LAMA1: variants seen among roughly 807,000 people sequenced by gnomAD.
LAMA1 encodes the protein laminin subunit alpha 1.
LAMA1 carries 219 observed loss-of-function variants against 348.7 expected under a neutral mutation model. That is an observed-to-expected ratio of 0.63 (90% CI 0.56 to 0.70). The LOEUF is 0.70. Ranked by LOEUF, LAMA1 falls within the 30% of genes least tolerant of loss-of-function variation. The pLI is 0.00. For missense variants in LAMA1, 3,744 were observed against 3,888.0 expected, an observed-to-expected ratio of 0.96 and a Z score of 0.99; for synonymous variants, 1,487 against 1,491.0, an observed-to-expected ratio of 1.00 and a Z score of 0.06.
At chr18:6,976,777 T>C (rs1414916904) in intron 44 of LAMA1, among the ~76,000 whole-genome samples, 1 of 151,902 alleles carries the variant, frequency 6.6e-6, no homozygotes, top group African/African-American at 2.4e-5. Flanking sequence ...TGGTTATTAT[T>C]ATTATTTTTT....
intron 3 of LAMA1, among the ~76,000 whole-genome samples, chr18:7,061,604 T>C (rs535459973): frequency 6.6e-6 from 1 of 152,326 alleles, no homozygotes; most frequent in Admixed American, 6.5e-5. Context: ...TTCTCCAAAA[T>C]GCAGTTCCCC....
At chr18:7,093,226 C>G (rs990826385) in intron 1 of LAMA1, among the ~76,000 whole-genome samples, 1 of 152,152 alleles carries the variant, frequency 6.6e-6, no homozygotes, top group Non-Finnish European at 1.5e-5. Context: ...ACCATCCTGG[C>G]TAACACGGTG....
chr18:7,010,626 A>G (rs1385240328), intron 25 of LAMA1, among the ~76,000 whole-genome samples: 1 of 152,236 alleles, frequency 6.6e-6, no homozygotes, highest in African/African-American at 2.4e-5. Flanking sequence ...ATAACAAATC[A>G]ATGTGGTAGT....
rs73390557 is a variant in LAMA1, at chr18:6,966,297, G to A, written c.6900C>T (p.Ser2300=). ...REGKCRGCFG[S]SQNEDPSFHF... ...GGAAGGAAGGGTCTTCATTCTGGGA[G>A]CTGCAAAGCAGAAGAGATGAAATAG... Residue 2300 remains serine, a splice_region_variant and synonymous_variant, in exon 49 of 63, where the codon AGC becomes AGT. Coordinates refer to ENST00000389658, the MANE Select transcript of LAMA1 (RefSeq NM_005559.4). 13,642 of 1,613,146 alleles carry A rather than the reference G, an allele frequency of 8.5e-3. 993 individuals carry two copies. The African/African-American group carries it at 0.16, about 19-fold the overall frequency.
At chr18:7,061,515 A>G (rs1466979210) in intron 3 of LAMA1, among the ~76,000 whole-genome samples, 4 of 152,290 alleles carry the variant, frequency 2.6e-5, no homozygotes, top group Middle Eastern at 3.4e-3. Flanking sequence ...TCTATTCCCC[A>G]ACTCCTAACG....
rs1405153983 is a variant in LAMA1, at chr18:6,971,747, C to T, written c.6899+110G>A. On this transcript the variant is annotated intron_variant, in intron 48 of 62. Transcript: ENST00000389658. The stretch of plus-strand genomic sequence containing the variant: ...TAATTGGCAGCTAAACACCTACCAG[C>T]GATATCACAAACTCTATTCCTTGAC... 21 of 1,458,842 alleles carry T rather than the reference C, an allele frequency of 1.4e-5. No homozygotes were observed. The South Asian group carries it at 2.0e-4, about 14-fold the overall frequency. The allele number at this position is 1,458,842 out of a possible 1,614,324, so 90.4% of individuals were successfully genotyped here.
intron 61 of LAMA1, among the ~76,000 whole-genome samples, chr18:6,946,601 C>T (rs1180816663): frequency 6.6e-6 from 1 of 152,046 alleles, no homozygotes; most frequent in Admixed American, 6.6e-5. Flanking sequence ...CGCCTGTAAT[C>T]CCAGCTACTC....
intron 10 of LAMA1, 44 bp downstream of exon 10, chr18:7,040,032 A>C: frequency 6.2e-7 from 1 of 1,608,638 alleles, no homozygotes; most frequent in Non-Finnish European, 8.5e-7. Flanking sequence ...TTTTCCAGAG[A>C]AGCTCAAAGG....
At chr18:7,109,309 C>T (rs554405390) in intron 1 of LAMA1, among the ~76,000 whole-genome samples, 7 of 152,162 alleles carry the variant, frequency 4.6e-5, no homozygotes, top group Non-Finnish European at 8.8e-5. Flanking sequence ...ATGCTAGAAC[C>T]CCCCTGGGGT....
intron 16 of LAMA1, among the ~76,000 whole-genome samples, chr18:7,030,224 G>A (rs1194000425): frequency 2.6e-5 from 4 of 152,112 alleles, no homozygotes; most frequent in African/African-American, 9.7e-5. Context: ...GAGAGGGCAC[G>A]GCACCTCCAC....
rs137905025 is a variant in LAMA1 at position 7,011,361 on chromosome 18, C to A, written c.3626G>T (p.Arg1209Leu). The A allele has an allele frequency of 1.4e-5, 22 of 1,611,730 alleles. No homozygotes were observed. The African/African-American group carries it at 2.5e-4, about 19-fold the overall frequency. Reference protein sequence around the residue: ...PDFLLDAATVRQHIRAEPFYW... With the variant: ...PDFLLDAATVLQHIRAEPFYW... ...AAACGGCTCTGCACGGATGTGCTGC[C>A]GGACGGTGGCGGCATCCAGCAGGAA... The change falls in exon 25 of 63, where the codon CGG (arginine) becomes CTG (leucine). Residue 1209 changes from arginine to leucine, a missense_variant. Coordinates refer to ENST00000389658, the MANE Select transcript of LAMA1 (RefSeq NM_005559.4).
intron 34 of LAMA1, among the ~76,000 whole-genome samples, chr18:6,994,303 G>A (rs942564056): frequency 6.6e-6 from 1 of 152,208 alleles, no homozygotes; most frequent in Non-Finnish European, 1.5e-5. Context: ...CAGGAAGTCA[G>A]CAGCCCAGAG....
In LAMA1 at chr18:6,974,981, A is replaced by G; in HGVS notation, c.6545T>C (p.Leu2182Pro). Residue 2182 changes from leucine to proline, a missense_variant, in exon 46 of 63, where the codon CTG becomes CCG. Physicochemically the swap from Leu to Pro is moderately conservative, Grantham distance 98. Coordinates refer to ENST00000389658, the MANE Select transcript of LAMA1 (RefSeq NM_005559.4). Reference sequence around the variant, plus strand: ...CTCCAAGCGTGTGGACCCGGAGCCCAGGTCCCACAGGAAGGCCACTCTCCC... The same window carrying G: ...CTCCAAGCGTGTGGACCCGGAGCCCGGGTCCCACAGGAAGGCCACTCTCCC... Reference protein sequence around the residue: ...RRGRVAFLWDLGSGSTRLEFP... With the variant: ...RRGRVAFLWDPGSGSTRLEFP... 6.2e-7 allele frequency: 1 copy of G among 1,614,058 alleles called. No individual in the cohort carries two copies. The highest frequency in any genetic ancestry group is 8.5e-7 in the Non-Finnish European group (1 of 1,179,994).
chr18:7,012,318 G>A (rs1456989536), intron 23 of LAMA1, among the ~76,000 whole-genome samples, 180 bp from the exon 24 acceptor site: 1 of 152,002 alleles, frequency 6.6e-6, no homozygotes, highest in Admixed American at 6.6e-5. Flanking sequence ...GATCCAATCA[G>A]TGATTCTCAA....
chr18:7,017,510 ATAT>A, intron 19 of LAMA1, 126 bp from the exon 20 acceptor site: 1 of 743,990 alleles, frequency 1.3e-6, no homozygotes, highest in Non-Finnish European at 2.4e-6. Context: ...ACTAAAAATA[ATAT>A]TATTGGCAAT....
intron 1 of LAMA1, among the ~76,000 whole-genome samples, chr18:7,086,560 A>T (rs1242541115): frequency 6.7e-6 from 1 of 150,284 alleles, no homozygotes; most frequent in African/African-American, 2.4e-5. Flanking sequence ...TACAGAGATC[A>T]TGAATTTACT....
intron 1 of LAMA1, among the ~76,000 whole-genome samples, chr18:7,083,840 G>A (rs1175551418): frequency 2.0e-5 from 3 of 152,034 alleles, no homozygotes; most frequent in Non-Finnish European, 4.4e-5. Context: ...GGAGGCCGAG[G>A]CGGGCGGATC....
chr18:6,973,905 G>A (rs560001091), intron 46 of LAMA1, among the ~76,000 whole-genome samples: 20 of 152,234 alleles, frequency 1.3e-4, no homozygotes, highest in South Asian at 6.2e-4. Flanking sequence ...TGAACCTCCC[G>A]AGTGGCTAGG....
intron 18 of LAMA1, 53 bp downstream of exon 18, chr18:7,024,327 T>C (rs1044606061): frequency 2.9e-6 from 4 of 1,386,974 alleles, no homozygotes; most frequent in African/African-American, 1.4e-5. Context: ...AATAAACACA[T>C]AGAATTTATA....
Sources: gnomAD v4.1 joint callset for allele counts (sites outside exome capture counted in the v4.1 genomes callset) on GRCh38, gnomAD v4.1.1 for gene constraint, MANE v1.5 for transcripts, NCBI Gene and HGNC (gene_info 2026-07-23, HGNC 2026-07-21) for gene names.